SEPTIN6: variants seen among roughly 807,000 people sequenced by gnomAD.
The protein encoded by SEPTIN6 is septin-6.
Under a neutral mutation model 33.6 loss-of-function variants are expected in SEPTIN6, and 8 were observed. That is an observed-to-expected ratio of 0.24 (90% CI 0.14 to 0.43). The LOEUF (loss-of-function observed/expected upper bound fraction) is 0.43. Among genes scored for constraint, SEPTIN6 ranks in the 20% least tolerant of loss-of-function variants. The pLI is 1.00. For synonymous variants in SEPTIN6, 131 were observed against 140.0 expected (o/e 0.94, Z 0.45); for missense variants, 250 against 340.8 (o/e 0.73, Z 2.10).
In SEPTIN6 at chrX:119,616,971, A is replaced by T. The variant is rs1456078647; in HGVS notation, c.*3122T>A. 4.8e-6 allele frequency: 5 copies of T among 1,037,268 alleles called. No individual in the cohort carries two copies. Among genetic ancestry groups the T allele is most frequent in the Non-Finnish European group, 6.2e-6 (5 of 811,823 alleles). The allele number at this position is 1,037,268 out of a possible 1,213,427, so 85.5% of individuals were successfully genotyped here. A position where few individuals can be genotyped will look rare whatever the true frequency, so the allele number is the denominator to read the frequency against. ...TTAAAGCTTCTTGTTTTAATTAAAA[A>T]CAAGCACATATTAACAGCCACATGT... On this transcript the variant is annotated 3_prime_UTR_variant, in exon 11 of 11. Transcript: ENST00000394610.
chrX:119,675,807 C>A (rs1290060429), intron 1 of SEPTIN6, 139 bp from the exon 2 acceptor site: 17 of 330,087 alleles, frequency 5.2e-5, no homozygotes, highest in Non-Finnish European at 8.4e-5. Flanking sequence ...TCAGCTACTC[C>A]CTGCTCCAAA....
chrX:119,666,708 C>T (rs746332024), intron 2 of SEPTIN6, among the ~76,000 whole-genome samples: 2 of 111,810 alleles, frequency 1.8e-5, no homozygotes, highest in South Asian at 3.7e-4. Flanking sequence ...CCAGGGTCTG[C>T]TATATCCATT....
chrX:119,667,261 A>G (rs936002485), intron 2 of SEPTIN6, among the ~76,000 whole-genome samples: 7 of 109,002 alleles, frequency 6.4e-5, no homozygotes, highest in African/African-American at 2.3e-4. Context: ...AGTACCCCCG[A>G]GAGTGCCTAA....
intron 5 of SEPTIN6, among the ~76,000 whole-genome samples, chrX:119,645,579 T>C (rs2054241485): frequency 9.0e-6 from 1 of 111,308 alleles, no homozygotes; most frequent in Admixed American, 9.6e-5. Context: ...GCATTTTTAG[T>C]AGAGACGGGG....
At chrX:119,667,213 C>T (rs757445872) in intron 2 of SEPTIN6, among the ~76,000 whole-genome samples, 1 of 109,170 alleles carries the variant, frequency 9.2e-6, no homozygotes, top group South Asian at 4.2e-4. Flanking sequence ...CTCCCCGATC[C>T]TAAGAATTCT....
Position 119,633,381 on chromosome X carries a change from C to G in SEPTIN6, c.1068G>C (p.Glu356Asp), listed in dbSNP as rs745539594. The part of the protein sequence containing the change: ...FVQRVKEKEA[E>D]LKEAEKELHE... Reference sequence around the variant, plus strand: ...TTACCTCTTTCTCTGCCTCTTTGAGCTCCGCTTCTTTCTCTTTGACTCGCT... The same window carrying G: ...TTACCTCTTTCTCTGCCTCTTTGAGGTCCGCTTCTTTCTCTTTGACTCGCT... The change falls in exon 8 of 11, where the codon GAG becomes GAC. Residue 356 changes from glutamate (E) to aspartate (D), a missense_variant. Glu to Asp is a conservative substitution (Grantham distance 45, BLOSUM62 2). Transcript: ENST00000394610. 1 of 1,209,646 alleles carries G rather than the reference C, an allele frequency of 8.3e-7. No individual in the cohort carries two copies. Among genetic ancestry groups the G allele is most frequent in the Non-Finnish European group, 1.1e-6 (1 of 894,601 alleles).
At chrX:119,681,563 G>GA (rs61202455) in intron 1 of SEPTIN6, among the ~76,000 whole-genome samples, 16 of 104,938 alleles carry the variant, frequency 1.5e-4, no homozygotes, top group East Asian at 5.8e-4. Context: ...TTATAATGCT[G>GA]AAAAAAAAAA....
chrX:119,679,079 C>G (rs954415241), intron 1 of SEPTIN6, among the ~76,000 whole-genome samples: 4 of 110,152 alleles, frequency 3.6e-5, no homozygotes, highest in African/African-American at 1.3e-4. Flanking sequence ...TCCCGAGTAG[C>G]TGGGTGCCCA....
chrX:119,658,000 G>T (rs1002522784), intron 3 of SEPTIN6, among the ~76,000 whole-genome samples: 1 of 110,968 alleles, frequency 9.0e-6, no homozygotes, highest in Admixed American at 9.6e-5. Context: ...GGTGGTGGGC[G>T]CCTGTAGTCC....
intron 5 of SEPTIN6, among the ~76,000 whole-genome samples, chrX:119,643,128 C>A (rs1454633262): frequency 9.0e-6 from 1 of 110,834 alleles, no homozygotes; most frequent in Non-Finnish European, 1.9e-5. Flanking sequence ...GATCTGGGCA[C>A]AATTCATCCC....
intron 7 of SEPTIN6, among the ~76,000 whole-genome samples, chrX:119,636,730 C>A (rs927029009): frequency 3.6e-5 from 4 of 111,716 alleles, no homozygotes; most frequent in African/African-American, 6.5e-5. Context: ...GTCATGGATG[C>A]GTGCATGTGT....
Position 119,657,048 on chromosome X carries a change from G to A in SEPTIN6, c.342-4008C>T, listed in dbSNP as rs530623301. On this transcript the variant is annotated intron_variant, in intron 3 of 10. Transcript: ENST00000394610. ...AGCCCTGCCAACACAGTGAAACCCC[G>A]TCTCTACTAAAAATACAAAAATTAG... Among the ~76,000 whole-genome samples, 26 of 107,662 alleles carry A rather than the reference G, an allele frequency of 2.4e-4. No homozygotes were observed. In the South Asian group the frequency reaches 9.7e-3, roughly 40 times the overall value. 93.5% of individuals were successfully genotyped at this position (107,662 alleles called of 115,157 possible).
At chrX:119,637,558 T>TATCC (rs771516167) in intron 6 of SEPTIN6, among the ~76,000 whole-genome samples, 3,096 of 102,469 alleles carry the variant, frequency 0.03, 138 homozygotes, top group African/African-American at 0.1. Context: ...TCCATCCATC[T>TATCC]ATCCATCCAT....
Position 119,667,223 on chromosome X carries a change from TCA to T in SEPTIN6, c.146-3548_146-3547del, listed in dbSNP as rs151199129. On this transcript the variant is annotated intron_variant, in intron 2 of 10. Transcript: ENST00000394610. ...CCTGGCTCCCCGATCCTAAGAATTC[TCA>T]GAGAGCAGGAGATGGGCCATCTTCC... 4.2e-3 allele frequency among the ~76,000 whole-genome samples: 460 copies of T among 108,614 alleles called. 2 individuals are homozygous for T. Among genetic ancestry groups the T allele is most frequent in the Non-Finnish European group, 6.9e-3 (362 of 52,156 alleles). The allele number at this position is 108,614 out of a possible 115,157, so 94.3% of individuals were successfully genotyped here. A position where few individuals can be genotyped will look rare whatever the true frequency, so the allele number is the denominator to read the frequency against.
intron 10 of SEPTIN6, among the ~76,000 whole-genome samples, chrX:119,621,651 C>T (rs1461504225): frequency 9.2e-6 from 1 of 108,967 alleles, no homozygotes; most frequent in Non-Finnish European, 1.9e-5. Flanking sequence ...GCCACCATGC[C>T]CAGCTAATTT....
At chrX:119,684,482 GTT>G (rs1199777223) in intron 1 of SEPTIN6, among the ~76,000 whole-genome samples, 111 of 79,438 alleles carry the variant, frequency 1.4e-3, no homozygotes, top group African/African-American at 4.3e-3. Flanking sequence ...GTTCCCAGAG[GTT>G]TTTTTTTTTT....
intron 4 of SEPTIN6, among the ~76,000 whole-genome samples, chrX:119,652,446 A>G (rs754277393): frequency 4.2e-4 from 47 of 112,451 alleles, no homozygotes; most frequent in African/African-American, 1.5e-3. Flanking sequence ...CTGGCATATA[A>G]TGAGGGTTTT....
At chrX:119,669,317 T>C (rs1054865788) in intron 2 of SEPTIN6, among the ~76,000 whole-genome samples, 3 of 112,979 alleles carry the variant, frequency 2.7e-5, no homozygotes, top group Non-Finnish European at 5.6e-5. Context: ...GAGCTGCAGA[T>C]ACAGCAATGA....
At chrX:119,665,399 C>T (rs1032599068) in intron 2 of SEPTIN6, among the ~76,000 whole-genome samples, 57 of 111,960 alleles carry the variant, frequency 5.1e-4, no homozygotes, top group Non-Finnish European at 1.0e-3. Flanking sequence ...CCACCGTGCC[C>T]GGCCCTTATC....
Sources: gnomAD v4.1 joint callset for allele counts (sites outside exome capture counted in the v4.1 genomes callset) on GRCh38, gnomAD v4.1.1 for gene constraint, MANE v1.5 for transcripts, NCBI Gene and HGNC (gene_info 2026-07-23, HGNC 2026-07-21) for gene names.